ZNF570: variants seen among roughly 807,000 people sequenced by gnomAD.
ZNF570 encodes the protein zinc finger protein 570.
In ZNF570, 8 loss-of-function variants were observed where a neutral mutation model predicts 14.2. The ratio of observed to expected loss-of-function variants is 0.56; its 90% CI spans 0.33 to 1.02. The LOEUF is 1.02. Ranked by LOEUF, ZNF570 falls within the 50% of genes least tolerant of loss-of-function variation. The pLI is 0.03. For missense variants in ZNF570, 559 were observed against 624.9 expected, an observed-to-expected ratio of 0.89 and a Z score of 1.12; for synonymous variants, 202 against 207.6, an observed-to-expected ratio of 0.97 and a Z score of 0.23.
intron 4 of ZNF570, among the ~76,000 whole-genome samples, chr19:37,482,510 G>C (rs143960932): frequency 1.3e-5 from 2 of 152,256 alleles, no homozygotes; most frequent in South Asian, 2.1e-4. Context: ...ACTACCAACA[G>C]GATGGTACTA....
At chr19:37,468,495 TTTTG>T (rs1016518850), upstream of ZNF570, among the ~76,000 whole-genome samples, 8 of 151,394 alleles carry the variant, frequency 5.3e-5, no homozygotes, top group Non-Finnish European at 8.8e-5. Flanking sequence ...GTCACGAGGT[TTTTG>T]TTTGTTTGTT....
rs957292726 is a variant in ZNF570 at position 37,484,502 on chromosome 19, C to T, written c.880C>T (p.Arg294Ter). The T allele has an allele frequency of 2.6e-5, 42 of 1,613,190 alleles. No homozygotes were observed. The highest frequency in any genetic ancestry group is 3.3e-4 in the Middle Eastern group (2 of 6,072). Residue 294 changes from arginine to a stop codon, truncating the protein, a stop_gained, in exon 5 of 5, where the codon CGA (arginine) becomes TGA (stop). Coordinates refer to ENST00000330173, the MANE Select transcript of ZNF570 (RefSeq NM_144694.5). LOFTEE classifies it low-confidence loss of function (END_TRUNC). Reference sequence around the variant, plus strand: ...GAATGCACACCTAGTTCAACATCTGCGAGTTCATACTGGAGAAAAACCTTA... The same window carrying T: ...GAATGCACACCTAGTTCAACATCTGTGAGTTCATACTGGAGAAAAACCTTA... ...SQNAHLVQHL[R>*]VHTGEKPYEC...
In ZNF570 at chr19:37,484,597, G is replaced by A. The variant is rs745508138; in HGVS notation, c.975G>A (p.Thr325=). 1.2e-5 allele frequency: 20 copies of A among 1,611,224 alleles called. No individual in the cohort carries two copies. The highest frequency in any genetic ancestry group is 3.3e-4 in the Middle Eastern group (2 of 6,026). The part of the protein sequence containing the change: ...AYLAQHQRVH[T]GEKPYECIEC... ...TTGCTCAACATCAGAGAGTTCACACGGGAGAGAAACCCTATGAATGTATCG... is the reference window on the plus strand; with the variant it reads ...TTGCTCAACATCAGAGAGTTCACACAGGAGAGAAACCCTATGAATGTATCG... The change falls in exon 5 of 5, where the codon ACG becomes ACA. Residue 325 remains threonine (T), a synonymous_variant. Transcript: ENST00000330173.
At chr19:37,477,799 T>C (rs1169139763) in intron 4 of ZNF570, among the ~76,000 whole-genome samples, 1 of 152,214 alleles carries the variant, frequency 6.6e-6, no homozygotes, top group Non-Finnish European at 1.5e-5. Context: ...ATTTAATTTC[T>C]GTATCTTATG....
Position 37,484,079 on chromosome 19 carries a change from C to CA in ZNF570, c.458dup (p.His153GlnfsTer2). On this transcript the variant is annotated frameshift_variant, in exon 5 of 5. Transcript: ENST00000330173. LOFTEE classifies it low-confidence loss of function (END_TRUNC). ...GTGTTTCAAGGAAGAGATAATCACT[C>CA]ATGAAGAACCCCTTTTTGATGAGAG... The CA allele has an allele frequency of 6.2e-7, 1 of 1,614,092 alleles. No homozygotes were observed. Among genetic ancestry groups the CA allele is most frequent in the Non-Finnish European group, 8.5e-7 (1 of 1,180,010 alleles).
In ZNF570 at chr19:37,485,518, T is replaced by C. The variant is rs1284459626; in HGVS notation, c.*285T>C. On this transcript the variant is annotated 3_prime_UTR_variant, in exon 5 of 5. Coordinates refer to ENST00000330173, the MANE Select transcript of ZNF570 (RefSeq NM_144694.5). ...TGACTCCCAGCCTCTGCCTCCAGGG[T>C]TCAAGCAATTCTCATGCATCAGCCT... is the stretch of plus-strand genomic sequence containing the variant. The C allele has an allele frequency of 2.1e-5, 6 of 287,464 alleles. No individual in the cohort carries two copies. Among genetic ancestry groups the C allele is most frequent in the Admixed American group, 4.7e-5 (1 of 21,476 alleles). 17.8% of individuals were successfully genotyped at this position (287,464 alleles called of 1,614,324 possible).
Position 37,475,824 on chromosome 19 carries a change from A to G in ZNF570, c.34-57A>G. 5.2e-6 allele frequency: 8 copies of G among 1,552,640 alleles called. 1 individual carries two copies. The South Asian group carries it at 9.9e-5, about 19-fold the overall frequency. On this transcript the variant is annotated intron_variant, in intron 2 of 4. Transcript: ENST00000330173. The stretch of plus-strand genomic sequence containing the variant: ...AGAGAGAGCCCAGTGTGCCTAGGGC[A>G]GAGGAAATGAGGTGAATATGGTAAG...
chr19:37,475,265 G>T (rs1325839581), intron 2 of ZNF570, among the ~76,000 whole-genome samples: 1 of 152,168 alleles, frequency 6.6e-6, no homozygotes, highest in African/African-American at 2.4e-5. Context: ...TCAGTGTCAA[G>T]TTTTTAAGAA....
rs977058092 is a variant in ZNF570, at chr19:37,484,103, A to C, written c.481A>C (p.Arg161=). ...ITHEEPLFDE[R]EQEYKSWGSF... is the part of the protein sequence containing the mutation. The stretch of plus-strand genomic sequence containing the variant: ...TCATGAAGAACCCCTTTTTGATGAG[A>C]GAGAACAAGAATATAAATCTTGGGG... Residue 161 remains arginine, a synonymous_variant, in exon 5 of 5, where the codon AGA becomes CGA. Coordinates refer to ENST00000330173, the MANE Select transcript of ZNF570 (RefSeq NM_144694.5). 6.2e-7 allele frequency: 1 copy of C among 1,613,984 alleles called. No homozygotes were observed. The highest frequency in any genetic ancestry group is 1.3e-5 in the African/African-American group (1 of 74,936).
At position 37,476,360 on chromosome 19, in the gene ZNF570, G is replaced by T; in HGVS notation, c.182G>T (p.Ser61Ile). Residue 61 changes from serine to isoleucine, a missense_variant, in exon 4 of 5, where the codon AGT (serine) becomes ATT (isoleucine). Transcript: ENST00000330173. ...GCAGGACTTTGCTTTTCCAAACCAAGTGTGATATTATTGTTGGAACAAGGA... is the reference window on the plus strand; with the variant it reads ...GCAGGACTTTGCTTTTCCAAACCAATTGTGATATTATTGTTGGAACAAGGA... ...VSLGLCFSKP[S>I]VILLLEQGKA... The T allele has an allele frequency of 2.5e-6, 4 of 1,613,670 alleles. No homozygotes were observed. The highest frequency in any genetic ancestry group is 3.4e-6 in the Non-Finnish European group (4 of 1,179,924).
In ZNF570 at chr19:37,484,219, TA is replaced by T; in HGVS notation, c.605del (p.Asn202IlefsTer2). 4 of 1,613,772 alleles carry T rather than the reference TA, an allele frequency of 2.5e-6. No individual in the cohort carries two copies. In the South Asian group the frequency reaches 3.3e-5, roughly 13 times the overall value. Reference sequence around the variant, plus strand: ...AACATGACACACAAAAGAGAAGCTTTAAAAAAAATTTAATGGCTATTAAGCC... The same window carrying T: ...AACATGACACACAAAAGAGAAGCTTTAAAAAAATTTAATGGCTATTAAGCC... ...HKHDTQKRSFKKNLMAIKPKS... is the reference protein window; with the variant it reads ...HKHDTQKRSFXKNLMAIKPKS... On this transcript the variant is annotated frameshift_variant, in exon 5 of 5. Transcript: ENST00000330173. LOFTEE classifies it low-confidence loss of function (END_TRUNC).
intron 4 of ZNF570, 138 bp from the exon 5 acceptor site, chr19:37,483,741 C>T (rs979251420): frequency 5.2e-6 from 4 of 774,492 alleles, no homozygotes; most frequent in African/African-American, 3.5e-5. Context: ...TCTTCTTGTA[C>T]ACTTCAGAAC....
chr19:37,483,844 T>C (rs766262943), intron 4 of ZNF570, 35 bp from the exon 5 acceptor site: 9 of 1,547,616 alleles, frequency 5.8e-6, no homozygotes, highest in Admixed American at 2.1e-5. Flanking sequence ...TGATACTCAA[T>C]AGAGGAGACA....
upstream of ZNF570, chr19:37,468,179 C>G: frequency 5.6e-6 from 3 of 538,650 alleles, no homozygotes; most frequent in Non-Finnish European, 9.8e-6. Flanking sequence ...CTCGAACTCC[C>G]GGGCTCAAGC....
intron 4 of ZNF570, among the ~76,000 whole-genome samples, chr19:37,483,611 A>C (rs1265253167): frequency 6.6e-6 from 1 of 152,228 alleles, no homozygotes. Flanking sequence ...GAATACAGGC[A>C]TAAAATTGTA....
upstream of ZNF570, chr19:37,469,056 C>T: frequency 1.0e-6 from 1 of 996,758 alleles, no homozygotes; most frequent in Non-Finnish European, 1.2e-6. Flanking sequence ...GCGCTTGTGC[C>T]TGCGCACTTC....
chr19:37,476,501 C>T, intron 4 of ZNF570, 67 bp downstream of exon 4: 1 of 1,507,122 alleles, frequency 6.6e-7, no homozygotes, highest in Non-Finnish European at 8.9e-7. Context: ...AAGGTATCAC[C>T]TCTTCACTCT....
chr19:37,485,007 G>A lies in ZNF570; in HGVS notation c.1385G>A (p.Arg462Gln), dbSNP rs767197720. The A allele has an allele frequency of 2.5e-6, 4 of 1,614,092 alleles. No homozygotes were observed. Among genetic ancestry groups the A allele is most frequent in the Middle Eastern group, 1.6e-4 (1 of 6,062 alleles). Residue 462 changes from arginine (R) to glutamine (Q), a missense_variant, in exon 5 of 5, where the codon CGA (arginine) becomes CAA (glutamine). Coordinates refer to ENST00000330173, the MANE Select transcript of ZNF570 (RefSeq NM_144694.5). ...GACTCGTCCCTTACTCAACATCAGC[G>A]AGTTCATACTGGAGAGAAACCTTAT... ...SNDSSLTQHQ[R>Q]VHTGEKPYEC...
chr19:37,473,443 C>T lies in ZNF570; in HGVS notation c.34-2438C>T, dbSNP rs112434542. ...GGTTGTGCTGGGAAGTGAGGGTACT[C>T]GGGGATGAGGAACAGTGAAAAAGTG... On this transcript the variant is annotated intron_variant, in intron 2 of 4. Coordinates refer to ENST00000330173, the MANE Select transcript of ZNF570 (RefSeq NM_144694.5). 3.7e-3 allele frequency among the ~76,000 whole-genome samples: 563 copies of T among 151,906 alleles called. 6 individuals carry two copies. The highest frequency in any genetic ancestry group is 0.013 in the African/African-American group (539 of 41,440).
Sources: allele counts gnomAD v4.1 joint callset (sites outside exome capture counted in the v4.1 genomes callset), GRCh38; gene constraint gnomAD v4.1.1; transcripts MANE v1.5; gene names NCBI Gene and HGNC (gene_info 2026-07-23, HGNC 2026-07-21).